The following STIM1 variants were observed in gnomAD, a reference collection of about 807,000 sequenced individuals.
STIM1 encodes the protein stromal interaction molecule 1.
A neutral mutation model predicts 74.7 loss-of-function variants in STIM1; 25 were observed. That is an observed-to-expected ratio of 0.33 (90% confidence interval 0.24 to 0.47). The LOEUF (loss-of-function observed/expected upper bound fraction) is 0.47, where lower values mean the gene tolerates loss of function less well. Ranked by LOEUF, STIM1 falls within the 20% of genes least tolerant of loss-of-function variation. STIM1 has a pLI of 1.00. For synonymous variants in STIM1, 328 were observed against 348.8 expected, an observed-to-expected ratio of 0.94 and a Z score of 0.66; for missense variants, 728 against 920.8, an observed-to-expected ratio of 0.79 and a Z score of 2.71.
At chr11:4,061,424 T>C (rs953649734) in intron 5 of STIM1, among the ~76,000 whole-genome samples, 2 of 152,158 alleles carry the variant, frequency 1.3e-5, no homozygotes, top group African/African-American at 4.8e-5. Flanking sequence ...AGAACACAGG[T>C]ACTGAAGCTA....
At chr11:4,032,397 ATCTG>A (rs1289467171) in intron 3 of STIM1, among the ~76,000 whole-genome samples, 1 of 152,236 alleles carries the variant, frequency 6.6e-6, no homozygotes, top group Non-Finnish European at 1.5e-5. Flanking sequence ...ACGCTGATCT[ATCTG>A]TCTGTCTTTA....
At chr11:3,855,090 C>G (rs1044526669), upstream of STIM1, 1 of 152,276 alleles carries the variant, frequency 6.6e-6, no homozygotes, top group Non-Finnish European at 1.5e-5. Flanking sequence ...GCGCGGGTTC[C>G]CAAGCCGCAG....
intron 4 of STIM1, among the ~76,000 whole-genome samples, chr11:4,057,009 C>A (rs1258961330): frequency 6.6e-6 from 1 of 152,120 alleles, no homozygotes; most frequent in African/African-American, 2.4e-5. Context: ...CAGTTTAGTT[C>A]TATTTTACAA....
At chr11:4,031,321 A>G (rs1392311860) in intron 3 of STIM1, among the ~76,000 whole-genome samples, 5 of 152,136 alleles carry the variant, frequency 3.3e-5, no homozygotes, top group Admixed American at 2.0e-4. Context: ...AGCTGCTTTT[A>G]GTTTTTGGCT....
At chr11:4,045,377 A>G (rs1036489082) in intron 3 of STIM1, among the ~76,000 whole-genome samples, 6 of 152,084 alleles carry the variant, frequency 3.9e-5, no homozygotes, top group Non-Finnish European at 8.8e-5. Context: ...ATAGTAAATG[A>G]TAACATCTGC....
At chr11:4,069,660 C>T (rs954512207) in intron 5 of STIM1, among the ~76,000 whole-genome samples, 1 of 152,174 alleles carries the variant, frequency 6.6e-6, no homozygotes, top group Non-Finnish European at 1.5e-5. Flanking sequence ...AATTGCTTAC[C>T]CTGTATGACA....
intron 1 of STIM1, chr11:3,903,328 T>G (rs2092395268): frequency 6.6e-6 from 1 of 152,170 alleles, no homozygotes; most frequent in Admixed American, 6.5e-5. Flanking sequence ...TGAAGCAACT[T>G]GTTTGTAAGT....
At chr11:4,011,625 G>A (rs1455060864) in intron 2 of STIM1, among the ~76,000 whole-genome samples, 1 of 152,024 alleles carries the variant, frequency 6.6e-6, no homozygotes, top group Non-Finnish European at 1.5e-5. Flanking sequence ...CTGGATATTA[G>A]CCCTTTGTCA....
At chr11:3,895,867 C>CTCTTTCTTTTCT (rs1554954468) in intron 1 of STIM1, among the ~76,000 whole-genome samples, 1 of 75,260 alleles carries the variant, frequency 1.3e-5, no homozygotes, top group Admixed American at 1.6e-4. Context: ...CTCTCTCTCT[C>CTCTTTCTTTTCT]TTTCTTTTCT....
chr11:3,886,731 C>T (rs1270199800), intron 1 of STIM1, among the ~76,000 whole-genome samples: 8 of 142,554 alleles, frequency 5.6e-5, no homozygotes, highest in East Asian at 2.1e-4. Context: ...TGGCCGGGTG[C>T]GGTGGCTCAT....
At chr11:4,035,888 A>G (rs976908906) in intron 3 of STIM1, among the ~76,000 whole-genome samples, 5 of 145,064 alleles carry the variant, frequency 3.4e-5, no homozygotes, top group Non-Finnish European at 6.0e-5. Context: ...GTTCCAGGGT[A>G]CATGTGCAGG....
rs563400157 is a variant in STIM1, at chr11:3,934,304, A to G, written c.140-33248A>G. Among the ~76,000 whole-genome samples, 340 of 151,830 alleles carry G rather than the reference A, an allele frequency of 2.2e-3. 2 individuals are homozygous for G. The highest frequency in any genetic ancestry group is 8.1e-3 in the African/African-American group (335 of 41,360). ...GTCCCAAATAAAACAAGGCTGCTAC[A>G]CTCACCCATCTTGTGTTCCAACTCT... is the stretch of plus-strand genomic sequence containing the variant. On this transcript the variant is annotated intron_variant, in intron 1 of 12. Transcript: ENST00000526596.
chr11:4,058,930 T>G, intron 4 of STIM1: 1 of 1,130,166 alleles, frequency 8.8e-7, no homozygotes. Context: ...AGGAAATGCA[T>G]TTATAAATGG....
intron 11 of STIM1, 94 bp downstream of exon 11, chr11:4,084,859 C>A: frequency 1.0e-6 from 1 of 999,814 alleles, no homozygotes; most frequent in South Asian, 1.3e-5. Flanking sequence ...GCCTGCTTCA[C>A]GCCCCTGCCT....
intron 4 of STIM1, among the ~76,000 whole-genome samples, chr11:4,058,335 C>A (rs2094306640): frequency 6.6e-6 from 1 of 152,210 alleles, no homozygotes; most frequent in Non-Finnish European, 1.5e-5. Context: ...GCGTCTCTTA[C>A]TGGTGGGCTT....
intron 1 of STIM1, among the ~76,000 whole-genome samples, chr11:3,883,289 C>T (rs903515795): frequency 6.6e-6 from 1 of 152,010 alleles, no homozygotes; most frequent in African/African-American, 2.4e-5. Flanking sequence ...GTTTCTCCTC[C>T]TTCTTCCACT....
Position 4,091,402 on chromosome 11 carries a change from T to C in STIM1, c.1755T>C (p.Asn585=), listed in dbSNP as rs1404443936. The C allele has an allele frequency of 6.2e-7, 1 of 1,614,008 alleles. No homozygotes were observed. Among genetic ancestry groups the C allele is most frequent in the Admixed American group, 1.7e-5 (1 of 59,998 alleles). ...AGGCTCTCAATGCCATGACTTCCAATGGCAGCCACCGGCTGATCGAGGGGG... is the reference window on the plus strand; with the variant it reads ...AGGCTCTCAATGCCATGACTTCCAACGGCAGCCACCGGCTGATCGAGGGGG... ...ADEALNAMTS[N]GSHRLIEGVH... The change falls in exon 13 of 13, where the codon AAT becomes AAC. Residue 585 remains asparagine (N), a synonymous_variant. Transcript: ENST00000526596.
chr11:3,978,154 T>C (rs1013441464), intron 2 of STIM1, among the ~76,000 whole-genome samples: 30 of 151,626 alleles, frequency 2.0e-4, no homozygotes, highest in African/African-American at 7.3e-4. Flanking sequence ...TGTACTTTTT[T>C]TTTTTTTTTT....
At chr11:3,892,914 C>A in intron 1 of STIM1, 3 of 1,273,018 alleles carry the variant, frequency 2.4e-6, no homozygotes, top group Non-Finnish European at 3.4e-6. Context: ...CTCCCGGCAG[C>A]AGCAGCATCT....
Sources: gnomAD v4.1 joint callset for allele counts (sites outside exome capture counted in the v4.1 genomes callset) on GRCh38, gnomAD v4.1.1 for gene constraint, MANE v1.5 for transcripts, NCBI Gene and HGNC (gene_info 2026-07-23, HGNC 2026-07-21) for gene names.